The following ADGRF5 variants were observed in gnomAD, a reference collection of about 807,000 sequenced individuals.
ADGRF5 encodes the protein adhesion G protein-coupled receptor F5, also known as G-protein coupled receptor 116.
Under a neutral mutation model 132.3 loss-of-function variants are expected in ADGRF5, and 75 were observed. That is an observed-to-expected ratio of 0.57 (90% CI 0.47 to 0.69). The LOEUF is 0.69. Among genes scored for constraint, ADGRF5 ranks in the 30% least tolerant of loss-of-function variants. The pLI, the probability that ADGRF5 is intolerant of heterozygous loss-of-function variation, is 0.00. For missense variants in ADGRF5, 1,516 were observed against 1,630.6 expected (o/e 0.93, Z 1.21); for synonymous variants, 629 against 597.6 (o/e 1.05, Z -0.77).
chr6:46,880,183 C>T (rs752715775), intron 8 of ADGRF5, 144 bp from the exon 9 acceptor site: 43 of 640,768 alleles, frequency 6.7e-5, no homozygotes, highest in Non-Finnish European at 9.7e-5. Context: ...TGTCTCCTCA[C>T]TCCATTCCCA....
chr6:46,895,815 T>C (rs571237775), intron 3 of ADGRF5, among the ~76,000 whole-genome samples: 14 of 151,836 alleles, frequency 9.2e-5, no homozygotes, highest in African/African-American at 3.4e-4. Context: ...ACATCCACTT[T>C]CATTCCCCCA....
At chr6:46,895,483 C>A (rs752981256) in intron 3 of ADGRF5, among the ~76,000 whole-genome samples, 1 of 151,276 alleles carries the variant, frequency 6.6e-6, no homozygotes, top group Non-Finnish European at 1.5e-5. Flanking sequence ...TTCCTAGACC[C>A]AGATCTAAAA....
At chr6:46,922,242 T>A (rs895243309), upstream of ADGRF5, among the ~76,000 whole-genome samples, 8 of 152,168 alleles carry the variant, frequency 5.3e-5, no homozygotes, top group Non-Finnish European at 1.2e-4. Flanking sequence ...GATTGTAACT[T>A]CAGAGAGGAA....
chr6:46,870,666 G>A, intron 11 of ADGRF5: 1 of 219,180 alleles, frequency 4.6e-6, no homozygotes, highest in South Asian at 5.0e-5. Flanking sequence ...AAGGCTCATG[G>A]AACCATGAAT....
rs769683344 is a variant in ADGRF5 at position 46,871,913 on chromosome 6, G to A, written c.1341C>T (p.Tyr447=). ...PSGSSGTTVI[Y]TCEFISAYGA... ...CATAGGCACTGATGAACTCACAAGTGTAGATGACTGTTGTTCCAGACGACC... is the reference window on the plus strand; with the variant it reads ...CATAGGCACTGATGAACTCACAAGTATAGATGACTGTTGTTCCAGACGACC... The change falls in exon 11 of 21, where the codon TAC becomes TAT. Residue 447 remains tyrosine, a synonymous_variant. Transcript: ENST00000283296. The A allele has an allele frequency of 6.8e-6, 11 of 1,613,124 alleles. No individual in the cohort carries two copies. In the East Asian group the frequency reaches 8.9e-5, roughly 13 times the overall value.
intron 5 of ADGRF5, 47 bp from the exon 6 acceptor site, chr6:46,883,712 G>C (rs1772744434): frequency 1.0e-6 from 1 of 986,154 alleles, no homozygotes; most frequent in Non-Finnish European, 1.6e-6. Flanking sequence ...TAATGTCTGA[G>C]TATATACAAA....
At chr6:46,877,242 T>TCTTTCTTC (rs1491177341) in intron 10 of ADGRF5, among the ~76,000 whole-genome samples, 9 of 29,576 alleles carry the variant, frequency 3.0e-4, no homozygotes, top group African/African-American at 2.2e-4. Context: ...TTTCTTTCTT[T>TCTTTCTTC]CTTTCTTTCT....
In ADGRF5 at chr6:46,914,449, G is replaced by T. The variant is rs138189219; in HGVS notation, c.-25+7264C>A. On this transcript the variant is annotated intron_variant, in intron 1 of 20. Coordinates refer to ENST00000283296, the MANE Select transcript of ADGRF5 (RefSeq NM_001098518.2). ...ATAACAATTAAAGAACTGCCTTGAA[G>T]ACATTTTTTTTCCTATTTAATTTTC... 8.9e-3 allele frequency among the ~76,000 whole-genome samples: 1,357 copies of T among 152,262 alleles called. 11 individuals carry two copies. Among genetic ancestry groups the T allele is most frequent in the Non-Finnish European group, 0.012 (838 of 68,028 alleles).
chr6:46,948,523 T>C lies in ADGRF5; in HGVS notation c.-25+6211A>G, dbSNP rs868705449. ...GTGTGTGTGTGTGTGTGTATGTGTG[T>C]GTTTATTGGGGCTGTGTGTACACAG... On this transcript the variant is annotated intron_variant, in intron 1 of 20. Transcript: ENST00000265417. 1.6e-4 allele frequency among the ~76,000 whole-genome samples: 24 copies of C among 151,422 alleles called. No individual in the cohort carries two copies. The Middle Eastern group carries it at 0.01, about 64-fold the overall frequency.
intron 1 of ADGRF5, among the ~76,000 whole-genome samples, chr6:46,952,150 G>A (rs4449617): frequency 1.3e-5 from 2 of 152,048 alleles, no homozygotes; most frequent in African/African-American, 2.4e-5. Context: ...AGGACCAAAT[G>A]TGGGGCCCCA....
chr6:46,866,648 C>G lies in ADGRF5; in HGVS notation c.1834+277G>C, dbSNP rs754225928. 2.4e-4 allele frequency among the ~76,000 whole-genome samples: 37 copies of G among 151,856 alleles called. 1 individual carries two copies. Among genetic ancestry groups the G allele is most frequent in the East Asian group, 1.3e-3 (7 of 5,186 alleles). ...GGAAAAGATTGTCAGAATATCTAGT[C>G]TGCCATATTCATTAGAAGGTATCTC... On this transcript the variant is annotated intron_variant, in intron 13 of 20. Coordinates refer to ENST00000283296, the MANE Select transcript of ADGRF5 (RefSeq NM_001098518.2).
intron 1 of ADGRF5, among the ~76,000 whole-genome samples, chr6:46,919,910 C>A (rs911097682): frequency 2.6e-5 from 4 of 152,186 alleles, no homozygotes; most frequent in Non-Finnish European, 5.9e-5. Flanking sequence ...GCTGTATTAA[C>A]TTGTTCATAG....
At chr6:46,872,338 A>G (rs1198640296) in intron 10 of ADGRF5, among the ~76,000 whole-genome samples, 1 of 152,194 alleles carries the variant, frequency 6.6e-6, no homozygotes, top group Non-Finnish European at 1.5e-5. Flanking sequence ...ATGAGATAAT[A>G]TACATAAACT....
At position 46,882,039 on chromosome 6, in the gene ADGRF5, G is replaced by C; in HGVS notation, c.671+10C>G. 1.9e-6 allele frequency: 3 copies of C among 1,582,902 alleles called. No individual in the cohort carries two copies. The highest frequency in any genetic ancestry group is 2.6e-6 in the Non-Finnish European group (3 of 1,151,598). ...ATAAATTAGAAATGATCAAATTAAA[G>C]TATTCTTACTTGAACCCTGTCACAG... On this transcript the variant is annotated intron_variant, in intron 7 of 20. Transcript: ENST00000283296.
At chr6:46,893,840 G>A (rs949132752) in intron 3 of ADGRF5, among the ~76,000 whole-genome samples, 1 of 152,182 alleles carries the variant, frequency 6.6e-6, no homozygotes, top group Non-Finnish European at 1.5e-5. Context: ...AGACAACCAG[G>A]ATTTCCCCTC....
At chr6:46,863,209 T>C (rs1769999236) in intron 14 of ADGRF5, 113 bp from the exon 15 acceptor site, 1 of 837,990 alleles carries the variant, frequency 1.2e-6, no homozygotes, top group Non-Finnish European at 2.0e-6. Context: ...TACCTTTACT[T>C]TCCGTCACCT....
At chr6:46,919,330 C>T (rs1776695199) in intron 1 of ADGRF5, among the ~76,000 whole-genome samples, 1 of 152,224 alleles carries the variant, frequency 6.6e-6, no homozygotes. Flanking sequence ...ATAAATTAAC[C>T]TCTGAACTTC....
intron 1 of ADGRF5, among the ~76,000 whole-genome samples, chr6:46,916,712 T>C (rs1481655427): frequency 2.6e-5 from 4 of 152,226 alleles, no homozygotes; most frequent in Non-Finnish European, 5.9e-5. Context: ...TGTGGCTAGA[T>C]CATATTTAAA....
chr6:46,952,451 A>T (rs1778535247), intron 1 of ADGRF5, among the ~76,000 whole-genome samples: 1 of 152,206 alleles, frequency 6.6e-6, no homozygotes, highest in African/African-American at 2.4e-5. Flanking sequence ...CGAGTGGCAG[A>T]GAATGAGGGG....
Sources: gnomAD v4.1 joint callset for allele counts (sites outside exome capture counted in the v4.1 genomes callset) on GRCh38, gnomAD v4.1.1 for gene constraint, MANE v1.5 for transcripts, NCBI Gene and HGNC (gene_info 2026-07-23, HGNC 2026-07-21) for gene names.